The following NCK2 variants were observed in gnomAD, a reference collection of about 807,000 sequenced individuals.
NCK2 encodes NCK adaptor protein 2.
Under a neutral mutation model 33.9 loss-of-function variants are expected in NCK2, and 16 were observed. That is an observed-to-expected ratio of 0.47 (90% confidence interval 0.32 to 0.72). NCK2 has a LOEUF of 0.72. Among genes scored for constraint, NCK2 ranks in the 30% least tolerant of loss-of-function variants. The probability of loss-of-function intolerance (pLI) is 0.03; values close to 1 mark genes in which losing one functional copy is unlikely to be tolerated. For synonymous variants in NCK2, 273 were observed against 239.9 expected (o/e 1.14, Z -1.27); for missense variants, 418 against 537.3 (o/e 0.78, Z 2.19).
chr2:105,861,805 G>A (rs539546632), intron 3 of NCK2, among the ~76,000 whole-genome samples: 11 of 151,844 alleles, frequency 7.2e-5, no homozygotes, highest in Non-Finnish European at 1.3e-4. Context: ...ATGAGCCACC[G>A]CACCCGGCCA....
chr2:105,758,416 T>TTG (rs1420413063), intron 1 of NCK2, among the ~76,000 whole-genome samples: 6 of 148,844 alleles, frequency 4.0e-5, no homozygotes, highest in Non-Finnish European at 7.4e-5. Context: ...TGTTTTTGTT[T>TTG]TTTTTTTTTT....
At chr2:105,863,595 G>C (rs1677632037) in intron 3 of NCK2, among the ~76,000 whole-genome samples, 1 of 152,172 alleles carries the variant, frequency 6.6e-6, no homozygotes, top group Non-Finnish European at 1.5e-5. Flanking sequence ...TCTGAAGCTT[G>C]TATTTGTAAT....
At chr2:105,790,901 A>G (rs1322940364) in intron 1 of NCK2, among the ~76,000 whole-genome samples, 2 of 152,166 alleles carry the variant, frequency 1.3e-5, no homozygotes, top group African/African-American at 4.8e-5. Flanking sequence ...CCTCATCTGC[A>G]GGGCTTGGTG....
At chr2:105,880,302 A>G (rs1176020914) in intron 3 of NCK2, among the ~76,000 whole-genome samples, 1 of 152,216 alleles carries the variant, frequency 6.6e-6, no homozygotes, top group Non-Finnish European at 1.5e-5. Flanking sequence ...ATGATCCACT[A>G]GTGGGCTTTG....
chr2:105,797,219 G>A (rs1691111017), intron 1 of NCK2, among the ~76,000 whole-genome samples: 1 of 152,206 alleles, frequency 6.6e-6, no homozygotes, highest in African/African-American at 2.4e-5. Context: ...TCTTAGAAAG[G>A]ACACCCCTAT....
At chr2:105,770,113 G>A (rs1193037869) in intron 1 of NCK2, among the ~76,000 whole-genome samples, 16 of 112,914 alleles carry the variant, frequency 1.4e-4, no homozygotes, top group Middle Eastern at 4.7e-3. Context: ...GTAACATAAA[G>A]CACTAATAAG....
intron 1 of NCK2, among the ~76,000 whole-genome samples, chr2:105,780,857 G>A (rs1254672217): frequency 6.6e-6 from 1 of 152,206 alleles, no homozygotes; most frequent in Non-Finnish European, 1.5e-5. Context: ...GAATTTCCTG[G>A]TACTTTGATC....
chr2:105,770,107 C>T (rs1246721261), intron 1 of NCK2, among the ~76,000 whole-genome samples: 1 of 113,716 alleles, frequency 8.8e-6, no homozygotes, highest in Non-Finnish European at 1.8e-5. Context: ...TTTCATGTAA[C>T]ATAAAGCACT....
At chr2:105,765,784 GGGGTGTGTGTGTGT>G (rs1049980086) in intron 1 of NCK2, among the ~76,000 whole-genome samples, 33 of 115,612 alleles carry the variant, frequency 2.9e-4, no homozygotes, top group Non-Finnish European at 5.5e-4. Context: ...CTTAGAATAG[GGGGTGTGTGTGTGT>G]GTGTGTGTGT....
chr2:105,866,757 A>G (rs1376976809), intron 3 of NCK2, among the ~76,000 whole-genome samples: 1 of 152,022 alleles, frequency 6.6e-6, no homozygotes, highest in African/African-American at 2.4e-5. Flanking sequence ...GGGGTTGGGG[A>G]CCCCTGGTCT....
intron 1 of NCK2, among the ~76,000 whole-genome samples, chr2:105,784,983 T>G (rs547313094): frequency 2.3e-4 from 35 of 152,320 alleles, no homozygotes; most frequent in African/African-American, 8.2e-4. Flanking sequence ...TTTGTTTTTG[T>G]TTTTGTTTGT....
intron 1 of NCK2, among the ~76,000 whole-genome samples, chr2:105,807,747 T>TTCCCCCCCTCCCTCCCTTCTCTCCC (rs1675112730): frequency 4.1e-5 from 1 of 24,398 alleles, no homozygotes; most frequent in Non-Finnish European, 7.8e-5. Context: ...CCTTCCTTCC[T>TTCCCCCCCTCCCTCCCTTCTCTCCC]TCCCTCCCTC....
intron 3 of NCK2, among the ~76,000 whole-genome samples, chr2:105,868,571 C>T (rs773407248): frequency 6.6e-6 from 1 of 152,118 alleles, no homozygotes; most frequent in Non-Finnish European, 1.5e-5. Flanking sequence ...ACATGCAGTT[C>T]GTTCTAATGC....
intron 3 of NCK2, chr2:105,856,523 A>T (rs1677277718): frequency 6.6e-6 from 1 of 152,228 alleles, no homozygotes; most frequent in African/African-American, 2.4e-5. Context: ...GAAAACTGAA[A>T]GTAAAATTAT....
chr2:105,885,494 G>A (rs1313868373), intron 4 of NCK2, among the ~76,000 whole-genome samples: 4 of 151,954 alleles, frequency 2.6e-5, no homozygotes, highest in African/African-American at 9.7e-5. Flanking sequence ...TCTATTTTCA[G>A]GCAATTTCAT....
intron 1 of NCK2, among the ~76,000 whole-genome samples, chr2:105,794,911 A>G (rs530406857): frequency 6.6e-6 from 1 of 152,214 alleles, no homozygotes; most frequent in South Asian, 2.1e-4. Context: ...ATTATTTTGT[A>G]TGACTACTCT....
chr2:105,891,762 G>A (rs1678997398), intron 4 of NCK2, among the ~76,000 whole-genome samples: 1 of 151,932 alleles, frequency 6.6e-6, no homozygotes, highest in African/African-American at 2.4e-5. Flanking sequence ...GGCCAGGCTG[G>A]TCTCAAAGTC....
At chr2:105,777,016 A>G (rs967745987) in intron 1 of NCK2, among the ~76,000 whole-genome samples, 1 of 151,858 alleles carries the variant, frequency 6.6e-6, no homozygotes, top group East Asian at 1.9e-4. Flanking sequence ...CCCAGAGATC[A>G]GAGACTAAGA....
intron 2 of NCK2, 155 bp from the exon 3 acceptor site, chr2:105,854,893 G>A: frequency 1.7e-6 from 1 of 589,914 alleles, no homozygotes; most frequent in Admixed American, 3.0e-5. Flanking sequence ...CTTGTTGAAA[G>A]AAGGTCATTT....
Sources: allele counts gnomAD v4.1 joint callset (sites outside exome capture counted in the v4.1 genomes callset), GRCh38; gene constraint gnomAD v4.1.1; transcripts MANE v1.5; gene names NCBI Gene and HGNC (gene_info 2026-07-23, HGNC 2026-07-21).